The following KDM7A variants were observed in gnomAD, a reference collection of about 807,000 sequenced individuals.
KDM7A encodes lysine-specific demethylase 7A.
A neutral mutation model predicts 114.8 loss-of-function variants in KDM7A; 28 were observed. That is an observed-to-expected ratio of 0.24 (90% CI 0.18 to 0.33). The LOEUF (loss-of-function observed/expected upper bound fraction) is 0.33, where lower values mean the gene tolerates loss of function less well. Ranked by LOEUF, KDM7A falls within the 10% of genes least tolerant of loss-of-function variation. KDM7A has a pLI of 1.00. For missense variants in KDM7A, 942 were observed against 1,142.5 expected (o/e 0.82, Z 2.53); for synonymous variants, 423 against 397.8 (o/e 1.06, Z -0.75).
rs1233450372 is a variant in KDM7A, at chr7:140,086,543, G to A, written c.*4551C>T. ...CTTTACAGCATGAAAAAGAGGGAAG[G>A]GCTTCTAGGAAGGCTACAGTATTAA... On this transcript the variant is annotated 3_prime_UTR_variant, in exon 20 of 20. Coordinates refer to ENST00000397560, the MANE Select transcript of KDM7A (RefSeq NM_030647.2). The A allele has an allele frequency of 6.6e-6, 1 of 151,854 alleles. No individual in the cohort carries two copies. The highest frequency in any genetic ancestry group is 1.9e-4 in the East Asian group (1 of 5,182). 9.4% of individuals were successfully genotyped at this position (151,854 alleles called of 1,614,324 possible).
At chr7:140,173,421 C>T (rs1287775949) in intron 1 of KDM7A, among the ~76,000 whole-genome samples, 1 of 152,186 alleles carries the variant, frequency 6.6e-6, no homozygotes, top group Non-Finnish European at 1.5e-5. Context: ...AGAAAAGCAT[C>T]AAGGACAGGT....
chr7:140,153,755 C>T (rs1014703051), intron 1 of KDM7A, among the ~76,000 whole-genome samples: 4 of 152,192 alleles, frequency 2.6e-5, no homozygotes, highest in Admixed American at 6.5e-5. Flanking sequence ...CCGCAAATGG[C>T]GGCAGTGGCA....
At chr7:140,101,831 C>A in intron 12 of KDM7A, 120 bp downstream of exon 12, 1 of 704,852 alleles carries the variant, frequency 1.4e-6, no homozygotes, top group Non-Finnish European at 2.5e-6. Flanking sequence ...TGGTTGATCC[C>A]TACAATGCTG....
chr7:140,154,176 T>TA (rs918996080), intron 1 of KDM7A, among the ~76,000 whole-genome samples: 7 of 152,052 alleles, frequency 4.6e-5, no homozygotes, highest in Non-Finnish European at 8.8e-5. Context: ...AGCATTCCCT[T>TA]AAAAAACATT....
At chr7:140,100,663 T>TATATATATATACAC (rs1818186420) in intron 12 of KDM7A, among the ~76,000 whole-genome samples, 1 of 38,290 alleles carries the variant, frequency 2.6e-5, no homozygotes, top group Non-Finnish European at 5.7e-5. Flanking sequence ...TAAAAAGTTA[T>TATATATATATACAC]ATATATATAT....
At position 140,176,350 on chromosome 7, in the gene KDM7A, C is replaced by CGGCGGGGCGG. The variant is rs965303722; in HGVS notation, c.194+384_194+393dup. Among the ~76,000 whole-genome samples, 19 of 139,744 alleles carry CGGCGGGGCGG rather than the reference C, an allele frequency of 1.4e-4. No individual in the cohort carries two copies. The highest frequency in any genetic ancestry group is 7.3e-4 in the South Asian group (3 of 4,130). 91.7% of individuals were successfully genotyped at this position (139,744 alleles called of 152,430 possible). On this transcript the variant is annotated intron_variant, in intron 1 of 19. Coordinates refer to ENST00000397560, the MANE Select transcript of KDM7A (RefSeq NM_030647.2). This position sits in a 1 kb window ranked among gnomAD's most constrained non-coding sequence, Gnocchi z 4.4. ...GCGACTCCGGCCGGAGCCCCGGGCGCGGCGGGGCGGGGCGGGGCGGCGGCG... is the reference window on the plus strand; with the variant it reads ...GCGACTCCGGCCGGAGCCCCGGGCGCGGCGGGGCGGGGCGGGGCGGGGCGGGGCGGCGGCG...
intron 18 of KDM7A, among the ~76,000 whole-genome samples, chr7:140,092,790 T>A (rs577790231): frequency 1.3e-5 from 2 of 152,300 alleles, no homozygotes; most frequent in East Asian, 3.9e-4. Flanking sequence ...CAAAAACAAT[T>A]ATAAAAAGAA....
chr7:140,111,292 C>T (rs3815213), intron 10 of KDM7A, 108 bp from the exon 11 acceptor site: 163,249 of 624,944 alleles, frequency 0.26, 22,894 homozygotes, highest in Middle Eastern at 0.39. Flanking sequence ...TTACAGACAT[C>T]GCCAAATACT....
At chr7:140,172,711 T>C (rs1202809858) in intron 1 of KDM7A, among the ~76,000 whole-genome samples, 4 of 152,092 alleles carry the variant, frequency 2.6e-5, no homozygotes, top group African/African-American at 7.2e-5. Context: ...TTCAAATATA[T>C]TGTACTTCTG....
chr7:140,154,714 G>A (rs1181291218), intron 1 of KDM7A, among the ~76,000 whole-genome samples: 3 of 151,638 alleles, frequency 2.0e-5, no homozygotes, highest in African/African-American at 7.3e-5. Context: ...GATAAATACT[G>A]TACCCAACCT....
chr7:140,148,060 A>G (rs1456025916), intron 1 of KDM7A, among the ~76,000 whole-genome samples: 2 of 152,154 alleles, frequency 1.3e-5, no homozygotes, highest in Non-Finnish European at 2.9e-5. Flanking sequence ...TCATGTCTCT[A>G]CCAGGTTCCA....
chr7:140,150,506 T>G (rs1794387354), intron 1 of KDM7A, among the ~76,000 whole-genome samples: 1 of 152,182 alleles, frequency 6.6e-6, no homozygotes, highest in African/African-American at 2.4e-5. Context: ...TGGAAAGATC[T>G]CCAAGATACG....
chr7:140,120,365 AT>A (rs975988071), intron 8 of KDM7A, 76 bp downstream of exon 8: 19 of 816,656 alleles, frequency 2.3e-5, no homozygotes, highest in Admixed American at 4.0e-5. Context: ...TAAGCTATTG[AT>A]TTTTTTTAAG....
chr7:140,092,709 A>G (rs1818042303), intron 18 of KDM7A, among the ~76,000 whole-genome samples: 1 of 152,238 alleles, frequency 6.6e-6, no homozygotes, highest in South Asian at 2.1e-4. Flanking sequence ...AGAGTACACT[A>G]TAGTGTGAAT....
chr7:140,173,951 G>T (rs1278218323), intron 1 of KDM7A, among the ~76,000 whole-genome samples: 1 of 152,008 alleles, frequency 6.6e-6, no homozygotes, highest in East Asian at 1.9e-4. Context: ...ATAACCTGAG[G>T]TCAAGAGTTC....
chr7:140,157,185 T>C (rs1794466452), intron 1 of KDM7A, among the ~76,000 whole-genome samples: 2 of 152,242 alleles, frequency 1.3e-5, no homozygotes, highest in Non-Finnish European at 2.9e-5. Flanking sequence ...CTTCGGATCT[T>C]AGGAATTCTC....
At position 140,096,722 on chromosome 7, in the gene KDM7A, T is replaced by C. The variant is rs1193994999; in HGVS notation, c.2207A>G (p.Gln736Arg). 3.1e-6 allele frequency: 5 copies of C among 1,614,098 alleles called. No individual in the cohort carries two copies. The Admixed American group carries it at 6.7e-5, about 22-fold the overall frequency. ...TSTSTEEEAI[Q>R]GMLSMAGLHY... is the part of the protein sequence containing the mutation. ...CAACCCTGCCATAGACAGCATGCCC[T>C]GAATAGCTTCTTCCTCTGTGCTCGT... The change falls in exon 17 of 20, where the codon CAG (glutamine) becomes CGG (arginine). Residue 736 changes from glutamine to arginine, a missense_variant. Physicochemically the swap from Gln to Arg is conservative, Grantham distance 43. Around this residue, in one of 4 missense-constraint regions of KDM7A, gnomAD observed 512 missense variants for 576.6 expected, o/e 0.89. Coordinates refer to ENST00000397560, the MANE Select transcript of KDM7A (RefSeq NM_030647.2).
chr7:140,164,456 G>T (rs1794553126), intron 1 of KDM7A, among the ~76,000 whole-genome samples: 1 of 152,122 alleles, frequency 6.6e-6, no homozygotes, highest in South Asian at 2.1e-4. Flanking sequence ...AATCAAAAAT[G>T]TCTCTAGACA....
At chr7:140,097,090 G>C in intron 15 of KDM7A, 43 bp from the exon 16 acceptor site, 1 of 1,489,614 alleles carries the variant, frequency 6.7e-7, no homozygotes, top group South Asian at 1.2e-5. Flanking sequence ...ATAAGAAATT[G>C]ACCAAGTCTG....
Sources: allele counts gnomAD v4.1 joint callset (sites outside exome capture counted in the v4.1 genomes callset), GRCh38; gene constraint gnomAD v4.1.1; regional missense constraint gnomAD v4.1.1; non-coding constraint Gnocchi (gnomAD v3.1); transcripts MANE v1.5; gene names NCBI Gene and HGNC (gene_info 2026-07-23, HGNC 2026-07-21).